The following SLC28A3 variants were observed in gnomAD, a reference collection of about 807,000 sequenced individuals.
SLC28A3 encodes solute carrier family 28 member 3.
Under a neutral mutation model 84.2 loss-of-function variants are expected in SLC28A3, and 68 were observed. The observed-to-expected ratio is 0.81, with a 90% confidence interval of 0.66 to 0.99. The LOEUF is 0.99. SLC28A3 is among the 50% of genes least tolerant of loss of function. The probability of loss-of-function intolerance (pLI) is 0.00; values close to 1 mark genes in which losing one functional copy is unlikely to be tolerated. For missense variants in SLC28A3, 712 were observed against 841.5 expected (o/e 0.85, Z 1.90); for synonymous variants, 267 against 303.6 (o/e 0.88, Z 1.25).
chr9:84,354,902 A>T, the SLC28A3 span, among the ~76,000 whole-genome samples: 3 of 152,112 alleles, frequency 2.0e-5, no homozygotes, highest in Non-Finnish European at 4.4e-5. Flanking sequence ...ACTCTGAAAA[A>T]AACCTAAAAA....
the SLC28A3 span, among the ~76,000 whole-genome samples, chr9:84,356,412 C>T: frequency 6.6e-6 from 1 of 152,196 alleles, no homozygotes; most frequent in African/African-American, 2.4e-5. Context: ...AGGTGACGCA[C>T]ACCTGGGCAG....
At chr9:84,303,553 C>A (rs1306452069) in intron 4 of SLC28A3, among the ~76,000 whole-genome samples, 1 of 152,178 alleles carries the variant, frequency 6.6e-6, no homozygotes, top group Non-Finnish European at 1.5e-5. Context: ...CTCTTGACCT[C>A]AGGTGATCCA....
intron 17 of SLC28A3, 127 bp downstream of exon 17, chr9:84,279,138 A>C (rs1588552518): frequency 1.2e-6 from 1 of 860,050 alleles, no homozygotes; most frequent in East Asian, 3.3e-5. Context: ...GCGCCACTGC[A>C]CTCCAGCCTG....
rs558006561 is a variant in SLC28A3 at position 84,295,609 on chromosome 9, A to G, written c.862-1334T>C. Among the ~76,000 whole-genome samples, 92 of 150,650 alleles carry G rather than the reference A, an allele frequency of 6.1e-4. No homozygotes were observed. The South Asian group carries it at 6.9e-3, about 11-fold the overall frequency. On this transcript the variant is annotated intron_variant, in intron 8 of 17. Coordinates refer to ENST00000376238, the MANE Select transcript of SLC28A3 (RefSeq NM_001199633.2). ...CAAAAACAAACAAACAAACAAACAAAACAAACAAACAAAAAACCATTGCAT... is the reference window on the plus strand; with the variant it reads ...CAAAAACAAACAAACAAACAAACAAGACAAACAAACAAAAAACCATTGCAT...
intron 6 of SLC28A3, among the ~76,000 whole-genome samples, chr9:84,298,707 G>T (rs1825511682): frequency 6.6e-6 from 1 of 152,222 alleles, no homozygotes; most frequent in Non-Finnish European, 1.5e-5. Flanking sequence ...TCTGGAAAAT[G>T]GAAAGGCAGA....
upstream of SLC28A3, among the ~76,000 whole-genome samples, chr9:84,344,006 T>G (rs1044412878): frequency 9.9e-5 from 15 of 152,048 alleles, no homozygotes; most frequent in African/African-American, 3.6e-4. Flanking sequence ...TGGGAAGACT[T>G]ACTGGCCATG....
At chr9:84,292,849 C>A in intron 9 of SLC28A3, 101 bp from the exon 10 acceptor site, 1 of 736,250 alleles carries the variant, frequency 1.4e-6, no homozygotes, top group Admixed American at 3.6e-5. Context: ...ATATTGAGGG[C>A]TTCAACATTT....
chr9:84,298,850 G>A (rs1825517994), intron 6 of SLC28A3, among the ~76,000 whole-genome samples: 2 of 152,230 alleles, frequency 1.3e-5, no homozygotes, highest in South Asian at 4.1e-4. Flanking sequence ...GACCCAGGAT[G>A]TGCAGCAGGA....
At chr9:84,318,262 G>A (rs1826240295) in intron 1 of SLC28A3, among the ~76,000 whole-genome samples, 1 of 151,864 alleles carries the variant, frequency 6.6e-6, no homozygotes, top group African/African-American at 2.4e-5. Flanking sequence ...AGTACCTGTG[G>A]CAAGAGACCC....
chr9:84,306,579 C>G (rs1457086487), intron 3 of SLC28A3, among the ~76,000 whole-genome samples: 1 of 152,074 alleles, frequency 6.6e-6, no homozygotes, highest in African/African-American at 2.4e-5. Flanking sequence ...TTTTGGTTAT[C>G]TAGGCTGAAT....
chr9:84,290,260 A>G lies in SLC28A3; in HGVS notation c.1043T>C (p.Val348Ala), dbSNP rs1447778330. 1.4e-5 allele frequency: 22 copies of G among 1,613,880 alleles called. No individual in the cohort carries two copies. Among genetic ancestry groups the G allele is most frequent in the Non-Finnish European group, 1.8e-5 (21 of 1,179,920 alleles). ...GGTGATGTAAGGTAAATATGGTCGG[A>G]CCAGCAGTGGAGACTCCGTCTGGAG... ...FVGQTESPLLVRPYLPYITKS... is the reference protein window; with the variant it reads ...FVGQTESPLLARPYLPYITKS... Residue 348 changes from valine (V) to alanine (A), a missense_variant, in exon 11 of 18, where the codon GTC becomes GCC. By Grantham distance (64) the Val-to-Ala change is moderately conservative. Transcript: ENST00000376238.
chr9:84,335,790 T>A (rs1826954328), intron 1 of SLC28A3, among the ~76,000 whole-genome samples: 1 of 151,882 alleles, frequency 6.6e-6, no homozygotes. Flanking sequence ...ATTTAATTAT[T>A]TCAACAATCC....
Position 84,305,365 on chromosome 9 carries a change from A to C in SLC28A3, c.243-20T>G, listed in dbSNP as rs1300884477. 5 of 1,602,322 alleles carry C rather than the reference A, an allele frequency of 3.1e-6. No homozygotes were observed. Among genetic ancestry groups the C allele is most frequent in the Non-Finnish European group, 4.3e-6 (5 of 1,171,012 alleles). On this transcript the variant is annotated intron_variant, in intron 3 of 17. Coordinates refer to ENST00000376238, the MANE Select transcript of SLC28A3 (RefSeq NM_001199633.2). Reference sequence around the variant, plus strand: ...AAACACCTGCAACATAAAAGCAAAAAGGCAGGGAGAAGTAAACACCAAAAA... The same window carrying C: ...AAACACCTGCAACATAAAAGCAAAACGGCAGGGAGAAGTAAACACCAAAAA...
At chr9:84,364,209 C>T in the SLC28A3 span, among the ~76,000 whole-genome samples, 4 of 145,994 alleles carry the variant, frequency 2.7e-5, no homozygotes, top group South Asian at 6.4e-4. Flanking sequence ...ACTTCAACCT[C>T]TGCTTGCCAG....
the SLC28A3 span, among the ~76,000 whole-genome samples, chr9:84,352,641 T>C: frequency 6.6e-6 from 1 of 151,908 alleles, no homozygotes; most frequent in Admixed American, 6.6e-5. Flanking sequence ...TCCCAGCACT[T>C]TGGGAGGCCA....
intron 1 of SLC28A3, among the ~76,000 whole-genome samples, chr9:84,337,391 G>A (rs749474465): frequency 1.3e-5 from 2 of 151,970 alleles, no homozygotes; most frequent in Non-Finnish European, 2.9e-5. Flanking sequence ...TGCTGGGTTT[G>A]AGATGCCCTG....
chr9:84,354,949 T>G, the SLC28A3 span, among the ~76,000 whole-genome samples: 1 of 152,120 alleles, frequency 6.6e-6, no homozygotes, highest in African/African-American at 2.4e-5. Context: ...CATAAGGAAT[T>G]GCATTCAGGG....
Position 84,340,595 on chromosome 9 carries a change from G to A in SLC28A3, c.39C>T (p.Gly13=), listed in dbSNP as rs771591760. The A allele has an allele frequency of 6.2e-7, 1 of 1,614,152 alleles. No homozygotes were observed. The highest frequency in any genetic ancestry group is 8.5e-7 in the Non-Finnish European group (1 of 1,180,024). The part of the protein sequence containing the change: ...LRSTAAPRAE[G]YSNVGFQNEE... The stretch of plus-strand genomic sequence containing the variant: ...TCACCTGGAAGCCCACGTTGCTGTA[G>A]CCCTCAGCTCTGGGGGCTGCTGTAC... The change falls in exon 1 of 18, where the codon GGC becomes GGT. Residue 13 remains glycine, a synonymous_variant. Transcript: ENST00000376238.
In SLC28A3 at chr9:84,309,570, A is replaced by G. The variant is rs192481908; in HGVS notation, c.242+59T>C. 7.8e-4 allele frequency: 1,016 copies of G among 1,296,498 alleles called. 6 individuals are homozygous for G. The African/African-American group carries it at 0.014, about 18-fold the overall frequency. The allele number at this position is 1,296,498 out of a possible 1,614,324, so 80.3% of individuals were successfully genotyped here. A position where few individuals can be genotyped will look rare whatever the true frequency, so the allele number is the denominator to read the frequency against. On this transcript the variant is annotated intron_variant, in intron 3 of 17. Coordinates refer to ENST00000376238, the MANE Select transcript of SLC28A3 (RefSeq NM_001199633.2). ...AAAAGAAATCAAATGGGGATAAAAC[A>G]AAGTAATAAAACCAAACGGGAGGTA...
Sources: gnomAD v4.1 joint callset for allele counts (sites outside exome capture counted in the v4.1 genomes callset) on GRCh38, gnomAD v4.1.1 for gene constraint, MANE v1.5 for transcripts, NCBI Gene and HGNC (gene_info 2026-07-23, HGNC 2026-07-21) for gene names.